SEPTIN14: variants seen among roughly 807,000 people sequenced by gnomAD.
The protein encoded by SEPTIN14 is septin-14.
A neutral mutation model predicts 53.6 loss-of-function variants in SEPTIN14; 40 were observed. That is an observed-to-expected ratio of 0.75 (90% CI 0.58 to 0.97). The LOEUF (loss-of-function observed/expected upper bound fraction) is 0.97. Among genes scored for constraint, SEPTIN14 ranks in the 50% least tolerant of loss-of-function variants. The pLI is 0.00. For synonymous variants in SEPTIN14, 138 were observed against 166.8 expected (o/e 0.83, Z 1.33); for missense variants, 471 against 508.2 (o/e 0.93, Z 0.70).
chr7:55,840,557 T>C (rs956227417), intron 5 of SEPTIN14, among the ~76,000 whole-genome samples: 12 of 152,006 alleles, frequency 7.9e-5, no homozygotes, highest in Non-Finnish European at 1.5e-4. Flanking sequence ...AACACAGAGA[T>C]AAGGTGGTCA....
chr7:55,860,379 G>A (rs1789722791), intron 2 of SEPTIN14, among the ~76,000 whole-genome samples: 1 of 152,098 alleles, frequency 6.6e-6, no homozygotes, highest in Non-Finnish European at 1.5e-5. Flanking sequence ...GGCTGGGAAG[G>A]GTGTGTGAGT....
chr7:55,854,287 GA>G (rs1453717102), intron 2 of SEPTIN14, among the ~76,000 whole-genome samples: 40 of 152,120 alleles, frequency 2.6e-4, no homozygotes, highest in African/African-American at 9.4e-4. Context: ...GAATTAAAGA[GA>G]ACTTCATCAA....
intron 5 of SEPTIN14, 101 bp downstream of exon 5, chr7:55,842,841 A>C: frequency 1.6e-6 from 1 of 611,710 alleles, no homozygotes; most frequent in Non-Finnish European, 2.6e-6. Context: ...TGAACCTGGG[A>C]GGCGGAGCTT....
At chr7:55,841,625 G>A (rs1789313406) in intron 5 of SEPTIN14, among the ~76,000 whole-genome samples, 1 of 152,108 alleles carries the variant, frequency 6.6e-6, no homozygotes, top group Non-Finnish European at 1.5e-5. Context: ...AGAGGCTGAG[G>A]TGGGTGGATC....
intron 2 of SEPTIN14, among the ~76,000 whole-genome samples, chr7:55,856,321 C>T (rs1789623466): frequency 1.3e-5 from 2 of 152,132 alleles, no homozygotes; most frequent in African/African-American, 4.8e-5. Flanking sequence ...CCTCCAGCAG[C>T]ACCCATGTTG....
chr7:55,810,456 T>C (rs1472755671), intron 7 of SEPTIN14, among the ~76,000 whole-genome samples: 5 of 149,804 alleles, frequency 3.3e-5, no homozygotes, highest in Non-Finnish European at 7.4e-5. Flanking sequence ...TTGGTTTTGT[T>C]GCTGGTGTTT....
In SEPTIN14 at chr7:55,805,155, A is replaced by G. The variant is rs546476255; in HGVS notation, c.1119+103T>C. On this transcript the variant is annotated intron_variant, in intron 9 of 9. Transcript: ENST00000388975. ...AAAAAGCTACTTTTTGAAAAATAGCAAGTATCCTCCAAAAACATCAAGTAA... is the reference window on the plus strand; with the variant it reads ...AAAAAGCTACTTTTTGAAAAATAGCGAGTATCCTCCAAAAACATCAAGTAA... 287 of 1,048,330 alleles carry G rather than the reference A, an allele frequency of 2.7e-4. 1 individual carries two copies. The African/African-American group carries it at 4.3e-3, about 16-fold the overall frequency. 64.9% of individuals were successfully genotyped at this position (1,048,330 alleles called of 1,614,324 possible). A position where few individuals can be genotyped will look rare whatever the true frequency, so the allele number is the denominator to read the frequency against.
At chr7:55,821,416 A>G (rs4588807) in intron 6 of SEPTIN14, among the ~76,000 whole-genome samples, 58,099 of 151,942 alleles carry the variant, frequency 0.38, 13,294 homozygotes, top group African/African-American at 0.64. Context: ...CAGAGATTTT[A>G]CCTTGGAGGA....
chr7:55,835,301 C>G lies in SEPTIN14; in HGVS notation c.559-715G>C, dbSNP rs567939598. 2.6e-3 allele frequency among the ~76,000 whole-genome samples: 399 copies of G among 152,100 alleles called. 2 individuals carry two copies. The highest frequency in any genetic ancestry group is 6.8e-3 in the Middle Eastern group (2 of 294). On this transcript the variant is annotated intron_variant, in intron 5 of 9. Transcript: ENST00000388975. ...CACTGCAAGCTCCGCCTCCCAGGTT[C>G]ATGCCATTCTCCTGCCTCAGCCTCC...
chr7:55,845,918 G>A (rs940209432), intron 3 of SEPTIN14, among the ~76,000 whole-genome samples: 1 of 149,338 alleles, frequency 6.7e-6, no homozygotes, highest in East Asian at 2.0e-4. Context: ...GTGTATTGGC[G>A]GGCGCCTGTA....
At chr7:55,808,034 G>A (rs1213398161) in intron 7 of SEPTIN14, among the ~76,000 whole-genome samples, 1 of 152,102 alleles carries the variant, frequency 6.6e-6, no homozygotes, top group Non-Finnish European at 1.5e-5. Flanking sequence ...CTGAGGGGGA[G>A]ATAGACTGTA....
intron 2 of SEPTIN14, among the ~76,000 whole-genome samples, chr7:55,860,724 T>C (rs2116090313): frequency 6.6e-6 from 1 of 152,306 alleles, no homozygotes; most frequent in South Asian, 2.1e-4. Context: ...AATTAGGTCA[T>C]ATGGCTCCAC....
intron 7 of SEPTIN14, among the ~76,000 whole-genome samples, chr7:55,816,784 G>T (rs2087765653): frequency 6.6e-6 from 1 of 151,770 alleles, no homozygotes; most frequent in African/African-American, 2.4e-5. Flanking sequence ...GGCAACAAGA[G>T]CTAAACTCCA....
At chr7:55,823,615 G>A (rs1003249356) in intron 6 of SEPTIN14, among the ~76,000 whole-genome samples, 20 of 152,128 alleles carry the variant, frequency 1.3e-4, no homozygotes, top group African/African-American at 3.6e-4. Flanking sequence ...CAGGTAGCGC[G>A]CCCAAGCAAG....
At chr7:55,800,483 G>T (rs1467705298) in intron 9 of SEPTIN14, among the ~76,000 whole-genome samples, 3 of 152,192 alleles carry the variant, frequency 2.0e-5, no homozygotes, top group African/African-American at 7.2e-5. Context: ...AATTAGCTGG[G>T]TGTGGTGGCA....
chr7:55,832,562 C>T (rs372217167), intron 6 of SEPTIN14, among the ~76,000 whole-genome samples: 1 of 135,124 alleles, frequency 7.4e-6, no homozygotes, highest in Non-Finnish European at 1.5e-5. Context: ...CCATGGAATA[C>T]TATGCAGCCA....
intron 6 of SEPTIN14, 126 bp downstream of exon 6, chr7:55,834,299 T>C: frequency 1.6e-6 from 1 of 610,554 alleles, no homozygotes; most frequent in Non-Finnish European, 2.7e-6. Context: ...TCTAAATAAA[T>C]CTGTTTACAA....
At chr7:55,819,055 T>G in intron 7 of SEPTIN14, 72 bp downstream of exon 7, 4 of 859,392 alleles carry the variant, frequency 4.7e-6, no homozygotes, top group South Asian at 4.4e-5. Flanking sequence ...GTTAAAATGT[T>G]ATTTTGAGAC....
At chr7:55,854,093 C>G (rs576388135) in intron 2 of SEPTIN14, among the ~76,000 whole-genome samples, 1 of 152,008 alleles carries the variant, frequency 6.6e-6, no homozygotes, top group South Asian at 2.1e-4. Flanking sequence ...TGCGCTGCAG[C>G]CTGGGTAACC....
Sources: allele counts gnomAD v4.1 joint callset (sites outside exome capture counted in the v4.1 genomes callset), GRCh38; gene constraint gnomAD v4.1.1; transcripts MANE v1.5; gene names NCBI Gene and HGNC (gene_info 2026-07-23, HGNC 2026-07-21).